THADA: variants seen among roughly 807,000 people sequenced by gnomAD.
THADA encodes THADA armadillo repeat containing, also known as tRNA (32-2'-O)-methyltransferase regulator THADA.
THADA carries 213 observed loss-of-function variants against 219.8 expected under a neutral mutation model. The ratio of observed to expected loss-of-function variants is 0.97; its 90% confidence interval spans 0.87 to 1.09. The LOEUF is 1.09. THADA is among the 50% of genes least tolerant of loss of function. The probability of loss-of-function intolerance (pLI) is 0.00; values close to 1 mark genes in which losing one functional copy is unlikely to be tolerated. For synonymous variants in THADA, 1,018 were observed against 828.9 expected (o/e 1.23, Z -3.92); for missense variants, 2,956 against 2,311.3 (o/e 1.28, Z -5.72).
intron 17 of THADA, among the ~76,000 whole-genome samples, chr2:43,555,206 T>C (rs936178010): frequency 5.3e-5 from 8 of 151,554 alleles, no homozygotes; most frequent in Non-Finnish European, 1.0e-4. Flanking sequence ...AACTGAATAA[T>C]ATATAATAAT....
At chr2:43,509,964 C>T (rs1690188982) in intron 22 of THADA, among the ~76,000 whole-genome samples, 1 of 152,172 alleles carries the variant, frequency 6.6e-6, no homozygotes, top group African/African-American at 2.4e-5. Context: ...GCTATCAAAA[C>T]TCCCAACCAC....
chr2:43,532,245 T>C, intron 21 of THADA, among the ~76,000 whole-genome samples: 1 of 151,344 alleles, frequency 6.6e-6, no homozygotes, highest in Non-Finnish European at 1.5e-5. Flanking sequence ...AACCCCCGTC[T>C]CTACTAAAAT....
intron 26 of THADA, among the ~76,000 whole-genome samples, chr2:43,433,627 A>G (rs1679674883): frequency 6.6e-6 from 1 of 152,174 alleles, no homozygotes; most frequent in Non-Finnish European, 1.5e-5. Context: ...TTGATTATAA[A>G]TGCAACGCAA....
chr2:43,515,137 T>C (rs1332886507), intron 22 of THADA, among the ~76,000 whole-genome samples: 3 of 12,328 alleles, frequency 2.4e-4, no homozygotes, highest in African/African-American at 1.1e-3. Flanking sequence ...TTATATATAA[T>C]ATATAATATA....
chr2:43,548,801 C>T (rs1037904507), intron 20 of THADA, among the ~76,000 whole-genome samples: 7 of 152,234 alleles, frequency 4.6e-5, no homozygotes, highest in South Asian at 2.1e-4. Flanking sequence ...AAAGGGAACT[C>T]CCTGACCCCT....
In THADA at chr2:43,291,276, C is replaced by G. The variant is rs1386089749; in HGVS notation, c.5010+420G>C. Among the ~76,000 whole-genome samples the G allele has an allele frequency of 6.6e-5, 10 of 151,418 alleles. 1 individual carries two copies. In the East Asian group the frequency reaches 1.9e-3, roughly 29 times the overall value. ...ACCAGCCTGGACAACATGGTGAAAC[C>G]CCGCCTCTACTAAAAATACAAAAAA... On this transcript the variant is annotated intron_variant, in intron 34 of 37. Transcript: ENST00000405975.
intron 23 of THADA, among the ~76,000 whole-genome samples, chr2:43,506,184 A>T (rs927572095): frequency 1.3e-5 from 2 of 152,236 alleles, no homozygotes; most frequent in South Asian, 4.1e-4. Context: ...CTGGAGATGA[A>T]GCAGTTAGTT....
At chr2:43,513,522 C>T (rs1222777818) in intron 22 of THADA, among the ~76,000 whole-genome samples, 1 of 152,174 alleles carries the variant, frequency 6.6e-6, no homozygotes, top group African/African-American at 2.4e-5. Context: ...CCAGAGCTGC[C>T]TGAGGCTGTA....
At chr2:43,347,293 T>C (rs1158862156) in intron 29 of THADA, among the ~76,000 whole-genome samples, 1 of 152,202 alleles carries the variant, frequency 6.6e-6, no homozygotes, top group Non-Finnish European at 1.5e-5. Context: ...ATATATATAC[T>C]ACTAGGCACG....
At chr2:43,529,503 G>A (rs897329711) in intron 21 of THADA, among the ~76,000 whole-genome samples, 2 of 152,136 alleles carry the variant, frequency 1.3e-5, no homozygotes, top group African/African-American at 2.4e-5. Flanking sequence ...ATGAACCACT[G>A]TGGCCGGCCA....
At chr2:43,350,351 T>C (rs1668112288) in intron 29 of THADA, among the ~76,000 whole-genome samples, 1 of 152,196 alleles carries the variant, frequency 6.6e-6, no homozygotes. Context: ...GCAAAAATTA[T>C]TCAAAATGCA....
At chr2:43,281,872 G>A (rs1673403445) in intron 35 of THADA, among the ~76,000 whole-genome samples, 1 of 151,778 alleles carries the variant, frequency 6.6e-6, no homozygotes, top group Non-Finnish European at 1.5e-5. Context: ...CAGGTTCAAG[G>A]AATTCTCCTG....
chr2:43,444,700 G>C (rs1681286806), intron 26 of THADA, among the ~76,000 whole-genome samples: 1 of 152,034 alleles, frequency 6.6e-6, no homozygotes, highest in Non-Finnish European at 1.5e-5. Flanking sequence ...CAGTGAAAAA[G>C]GCATCTGGTG....
At chr2:43,350,170 C>T (rs779089766) in intron 29 of THADA, among the ~76,000 whole-genome samples, 4 of 152,006 alleles carry the variant, frequency 2.6e-5, no homozygotes, top group Non-Finnish European at 4.4e-5. Context: ...TTTATCCTGT[C>T]GACTTAATTC....
chr2:43,506,104 A>G (rs1689634325), intron 23 of THADA, among the ~76,000 whole-genome samples: 1 of 152,220 alleles, frequency 6.6e-6, no homozygotes, highest in Admixed American at 6.5e-5. Context: ...TTTATCTAAC[A>G]AGAAAATTCT....
At position 43,497,955 on chromosome 2, in the gene THADA, C is replaced by T. The variant is rs528348004; in HGVS notation, c.3744+878G>A. Among the ~76,000 whole-genome samples, 5 of 152,052 alleles carry T rather than the reference C, an allele frequency of 3.3e-5. No individual in the cohort carries two copies. In the South Asian group the frequency reaches 8.3e-4, roughly 25 times the overall value. ...AGGTGCAGCAAACCACCATGGCACG[C>T]TTATATCTATGTAAAAAACCTGCAC... On this transcript the variant is annotated intron_variant, in intron 25 of 37. Transcript: ENST00000405975.
At position 43,310,829 on chromosome 2, in the gene THADA, T is replaced by C. The variant is rs186288942; in HGVS notation, c.4438+9617A>G. Among the ~76,000 whole-genome samples, 9 of 152,360 alleles carry C rather than the reference T, an allele frequency of 5.9e-5. No individual in the cohort carries two copies. In the East Asian group the frequency reaches 1.2e-3, roughly 20 times the overall value. On this transcript the variant is annotated intron_variant, in intron 31 of 37. Coordinates refer to ENST00000405975, the MANE Select transcript of THADA (RefSeq NM_022065.5). ...AAATATTTGCAAACTGTGTGTCTTA[T>C]AAGGGATTAATATCTTGGACATAAA... is the stretch of plus-strand genomic sequence containing the variant.
At chr2:43,399,016 T>A (rs1674448285) in intron 28 of THADA, among the ~76,000 whole-genome samples, 1 of 152,156 alleles carries the variant, frequency 6.6e-6, no homozygotes, top group African/African-American at 2.4e-5. Context: ...AGGCAGGTCA[T>A]CTAAAGGCCT....
chr2:43,423,499 C>A (rs1184103447), intron 28 of THADA, among the ~76,000 whole-genome samples: 1 of 150,662 alleles, frequency 6.6e-6, no homozygotes, highest in Non-Finnish European at 1.5e-5. Context: ...GTGGCACAAT[C>A]TCTGCTCACT....
Sources: allele counts gnomAD v4.1 joint callset (sites outside exome capture counted in the v4.1 genomes callset), GRCh38; gene constraint gnomAD v4.1.1; transcripts MANE v1.5; gene names NCBI Gene and HGNC (gene_info 2026-07-23, HGNC 2026-07-21).